SCHIP1: variants seen among roughly 807,000 people sequenced by gnomAD.
SCHIP1 encodes the protein schwannomin interacting protein 1.
A neutral mutation model predicts 29.7 loss-of-function variants in SCHIP1; 8 were observed. The ratio of observed to expected loss-of-function variants is 0.27; its 90% CI spans 0.16 to 0.49. SCHIP1 has a LOEUF of 0.49. Among genes scored for constraint, SCHIP1 ranks in the 20% least tolerant of loss-of-function variants. The pLI, the probability that SCHIP1 is intolerant of heterozygous loss-of-function variation, is 0.99. For synonymous variants in SCHIP1, 76 were observed against 94.9 expected (o/e 0.80, Z 1.16); for missense variants, 193 against 294.6 (o/e 0.66, Z 2.52).
the SCHIP1 span, among the ~76,000 whole-genome samples, chr3:159,667,152 A>G: frequency 9.9e-5 from 15 of 152,178 alleles, no homozygotes; most frequent in Non-Finnish European, 2.1e-4. Flanking sequence ...TGTAGCTTAG[A>G]TCGGATGCTA....
At chr3:159,372,259 CA>C in the SCHIP1 span, among the ~76,000 whole-genome samples, 2 of 151,866 alleles carry the variant, frequency 1.3e-5, no homozygotes, top group African/African-American at 2.4e-5. Context: ...CTCAAGTGTA[CA>C]AATTGTTAAT....
the SCHIP1 span, among the ~76,000 whole-genome samples, chr3:159,468,777 A>AT: frequency 4.6e-3 from 584 of 127,324 alleles, 6 homozygotes; most frequent in Middle Eastern, 0.019. Flanking sequence ...ATATATATAT[A>AT]TTTTTTTTAG....
the SCHIP1 span, among the ~76,000 whole-genome samples, chr3:159,504,485 T>C: frequency 6.6e-6 from 1 of 152,172 alleles, no homozygotes; most frequent in African/African-American, 2.4e-5. Flanking sequence ...TCTTCATACA[T>C]TCAACAGGAA....
the SCHIP1 span, among the ~76,000 whole-genome samples, chr3:159,627,679 T>C: frequency 6.6e-6 from 1 of 152,204 alleles, no homozygotes; most frequent in Non-Finnish European, 1.5e-5. Flanking sequence ...GAGCCTATGA[T>C]GAAGAAAAAT....
the SCHIP1 span, among the ~76,000 whole-genome samples, chr3:159,495,596 T>C: frequency 1.3e-5 from 2 of 151,978 alleles, no homozygotes; most frequent in Non-Finnish European, 2.9e-5. Flanking sequence ...CACTGCTCAA[T>C]GAAATAAAAG....
chr3:159,743,655 G>C, the SCHIP1 span, among the ~76,000 whole-genome samples: 5 of 152,252 alleles, frequency 3.3e-5, no homozygotes, highest in Non-Finnish European at 5.9e-5. Context: ...GCTGGAGAAC[G>C]GATTAGTACT....
rs182198521 is a variant in SCHIP1 at position 159,881,926 on chromosome 3, C to T, written c.150-4281C>T. On this transcript the variant is annotated intron_variant, in intron 2 of 6. Coordinates refer to ENST00000445224, the Ensembl canonical transcript of SCHIP1. ...CTAGGGCTTCAGTTGAGACAACTGC[C>T]GGTTGAGCTCTGTGCTACGAAGTTA... Among the ~76,000 whole-genome samples, 4 of 152,292 alleles carry T rather than the reference C, an allele frequency of 2.6e-5. No homozygotes were observed. The East Asian group carries it at 5.8e-4, about 22-fold the overall frequency.
the SCHIP1 span, among the ~76,000 whole-genome samples, chr3:159,445,227 G>T: frequency 8.7e-4 from 132 of 152,192 alleles, no homozygotes; most frequent in African/African-American, 2.8e-3. Context: ...GATATGAACA[G>T]ACACTTCTCA....
the SCHIP1 span, among the ~76,000 whole-genome samples, chr3:159,465,104 C>G: frequency 6.6e-6 from 1 of 152,038 alleles, no homozygotes; most frequent in South Asian, 2.1e-4. Context: ...GGAGTGTTGC[C>G]TATACAGTAG....
the SCHIP1 span, among the ~76,000 whole-genome samples, chr3:159,290,977 T>C: frequency 6.6e-6 from 1 of 152,100 alleles, no homozygotes; most frequent in East Asian, 1.9e-4. Flanking sequence ...TCTTAGTTCT[T>C]TTCCATGAAA....
the SCHIP1 span, among the ~76,000 whole-genome samples, chr3:159,757,722 A>T: frequency 0.43 from 65,953 of 151,972 alleles, 15,288 homozygotes; most frequent in Middle Eastern, 0.55. Context: ...AGCTAGCTGC[A>T]GGGATGGTCT....
the SCHIP1 span, among the ~76,000 whole-genome samples, chr3:159,668,922 T>C: frequency 6.6e-6 from 1 of 152,076 alleles, no homozygotes; most frequent in Non-Finnish European, 1.5e-5. Flanking sequence ...AAAAAAAAAT[T>C]ATGAGACAGT....
At chr3:159,339,176 C>T in the SCHIP1 span, among the ~76,000 whole-genome samples, 2 of 151,726 alleles carry the variant, frequency 1.3e-5, no homozygotes, top group Non-Finnish European at 2.9e-5. Context: ...ATATTATGAG[C>T]CCCTTTCAGA....
the SCHIP1 span, among the ~76,000 whole-genome samples, chr3:159,799,565 A>G: frequency 6.6e-6 from 1 of 152,224 alleles, no homozygotes; most frequent in Middle Eastern, 3.2e-3. Flanking sequence ...CTGACAGACA[A>G]TCCAACAGGT....
the SCHIP1 span, among the ~76,000 whole-genome samples, chr3:159,564,623 G>A: frequency 5.5e-3 from 842 of 152,172 alleles, 9 homozygotes; most frequent in African/African-American, 0.02. Flanking sequence ...TGATCCACCC[G>A]CCGTGGCCTC....
At chr3:159,765,287 T>A in the SCHIP1 span, 3 of 918,136 alleles carry the variant, frequency 3.3e-6, no homozygotes, top group Admixed American at 3.2e-5. Flanking sequence ...GCCTGCCGTC[T>A]GCTCCCCTGG....
chr3:159,286,438 GTA>G, the SCHIP1 span, among the ~76,000 whole-genome samples: 1 of 152,142 alleles, frequency 6.6e-6, no homozygotes, highest in East Asian at 1.9e-4. Context: ...ATTCCATGGT[GTA>G]TATATACCAC....
the SCHIP1 span, among the ~76,000 whole-genome samples, chr3:159,668,914 A>C: frequency 6.6e-6 from 1 of 152,180 alleles, no homozygotes; most frequent in Non-Finnish European, 1.5e-5. Flanking sequence ...TAAAAGGAAA[A>C]AAAAAATTAT....
At chr3:159,806,740 A>G in the SCHIP1 span, among the ~76,000 whole-genome samples, 7 of 152,234 alleles carry the variant, frequency 4.6e-5, no homozygotes, top group African/African-American at 1.7e-4. Flanking sequence ...CTTCCTGAGC[A>G]GGGCCCTCCA....
Sources: allele counts gnomAD v4.1 joint callset (sites outside exome capture counted in the v4.1 genomes callset), GRCh38; gene constraint gnomAD v4.1.1; transcripts MANE v1.5; gene names NCBI Gene and HGNC (gene_info 2026-07-23, HGNC 2026-07-21).